Variants in PPIP5K2 observed in about 807,000 individuals in gnomAD.
PPIP5K2 encodes inositol hexakisphosphate and diphosphoinositol-pentakisphosphate kinase 2.
In PPIP5K2, 105 loss-of-function variants were observed where a neutral mutation model predicts 154.6. The observed-to-expected ratio is 0.68, with a 90% CI of 0.58 to 0.80. The LOEUF (loss-of-function observed/expected upper bound fraction) is 0.80. Among genes scored for constraint, PPIP5K2 ranks in the 30% least tolerant of loss-of-function variants. The pLI is 0.00. For missense variants in PPIP5K2, 992 were observed against 1,504.6 expected, an observed-to-expected ratio of 0.66 and a Z score of 5.64; for synonymous variants, 480 against 490.3, an observed-to-expected ratio of 0.98 and a Z score of 0.28.
intron 21 of PPIP5K2, chr5:103,176,803 C>A: frequency 2.1e-6 from 2 of 968,310 alleles, no homozygotes; most frequent in Non-Finnish European, 3.0e-6. Flanking sequence ...ACTTTGAATG[C>A]TTGTAGTACA....
intron 1 of PPIP5K2, among the ~76,000 whole-genome samples, chr5:103,124,428 T>C (rs1554200091): frequency 6.6e-6 from 1 of 152,224 alleles, no homozygotes; most frequent in Non-Finnish European, 1.5e-5. Flanking sequence ...ATTTTTGCTC[T>C]TTAGTATAAT....
chr5:103,173,778 A>G (rs1798314216), intron 20 of PPIP5K2, 80 bp from the exon 21 acceptor site: 2 of 949,180 alleles, frequency 2.1e-6, no homozygotes, highest in Admixed American at 4.7e-5. Flanking sequence ...AATTACATTT[A>G]ATTTTAGAAA....
At chr5:103,144,290 A>C (rs1793365257) in intron 5 of PPIP5K2, among the ~76,000 whole-genome samples, 1 of 152,194 alleles carries the variant, frequency 6.6e-6, no homozygotes, top group African/African-American at 2.4e-5. Flanking sequence ...GAGAACACAC[A>C]AAAAAATGGA....
At position 103,151,376 on chromosome 5, in the gene PPIP5K2, T is replaced by C; in HGVS notation, c.1028+2T>C. 1 of 1,588,660 alleles carries C rather than the reference T, an allele frequency of 6.3e-7. No homozygotes were observed. Among genetic ancestry groups the C allele is most frequent in the Non-Finnish European group, 8.6e-7 (1 of 1,167,242 alleles). ...TGATGACTGTGCAAAAATACTTGGG[T>C]AAGAATTTTTAAATTTTTCTTTTTA... On this transcript the variant is annotated splice_donor_variant, in intron 9 of 30. Coordinates refer to ENST00000358359, the MANE Select transcript of PPIP5K2 (RefSeq NM_001276277.3). LOFTEE classifies it high-confidence loss of function.
chr5:103,155,012 T>A (rs1795185395), intron 13 of PPIP5K2, 69 bp downstream of exon 13: 1 of 893,558 alleles, frequency 1.1e-6, no homozygotes, highest in Non-Finnish European at 1.6e-6. Context: ...TATGTGATTT[T>A]CCATTTTAAT....
chr5:103,211,083 AG>A lies in PPIP5K2; in HGVS notation c.*9450del, dbSNP rs1554232563. Reference sequence around the variant, plus strand: ...GCATATGCATTATTACCCTTGTCTGAGTGGTTGTTTAAACTGACATCTGTAA... The same window carrying A: ...GCATATGCATTATTACCCTTGTCTGATGGTTGTTTAAACTGACATCTGTAA... On this transcript the variant is annotated 3_prime_UTR_variant, in exon 31 of 31. Coordinates refer to ENST00000358359, the MANE Select transcript of PPIP5K2 (RefSeq NM_001276277.3). The A allele has an allele frequency of 2.0e-5, 3 of 152,020 alleles. No individual in the cohort carries two copies. The highest frequency in any genetic ancestry group is 4.4e-5 in the Non-Finnish European group (3 of 67,948). The allele number at this position is 152,020 out of a possible 1,614,324, so 9.4% of individuals were successfully genotyped here.
chr5:103,167,187 A>G lies in PPIP5K2; in HGVS notation c.1929A>G (p.Pro643=). 2 of 1,562,686 alleles carry G rather than the reference A, an allele frequency of 1.3e-6. No homozygotes were observed. The highest frequency in any genetic ancestry group is 1.7e-6 in the Non-Finnish European group (2 of 1,152,962). Residue 643 remains proline, a synonymous_variant, in exon 18 of 31, where the codon CCA becomes CCG. Transcript: ENST00000358359. ...ACTTTACTCATTTGTAGCTTACTCCATCTGGAAGCATTTCTCTTATCAAAT... is the reference window on the plus strand; with the variant it reads ...ACTTTACTCATTTGTAGCTTACTCCGTCTGGAAGCATTTCTCTTATCAAAT... ...FTAEDYEKLT[P]SGSISLIKSM...
intron 16 of PPIP5K2, 81 bp downstream of exon 16, chr5:103,158,654 GCTTACACC>G: frequency 8.4e-7 from 1 of 1,185,662 alleles, no homozygotes; most frequent in Non-Finnish European, 1.2e-6. Flanking sequence ...GGGCGCAGTG[GCTTACACC>G]TGTAATCCTA....
intron 21 of PPIP5K2, 108 bp from the exon 22 acceptor site, chr5:103,177,559 C>A: frequency 1.6e-6 from 1 of 624,092 alleles, no homozygotes; most frequent in Non-Finnish European, 2.7e-6. Context: ...GATAAGTATT[C>A]ACTTTATGTG....
chr5:103,132,506 A>G (rs1790798740), intron 2 of PPIP5K2, among the ~76,000 whole-genome samples: 1 of 152,166 alleles, frequency 6.6e-6, no homozygotes, highest in Non-Finnish European at 1.5e-5. Context: ...AGATTGCGCC[A>G]CTGCACTCCA....
At chr5:103,145,447 A>G (rs1352222070) in intron 5 of PPIP5K2, among the ~76,000 whole-genome samples, 2 of 152,096 alleles carry the variant, frequency 1.3e-5, no homozygotes, top group Non-Finnish European at 1.5e-5. Context: ...ATTTGCACTC[A>G]TGTTTATTGC....
At position 103,187,379 on chromosome 5, in the gene PPIP5K2, A is replaced by G; in HGVS notation, c.3352+3A>G. On this transcript the variant is annotated splice_donor_region_variant and intron_variant, in intron 28 of 30. Coordinates refer to ENST00000358359, the MANE Select transcript of PPIP5K2 (RefSeq NM_001276277.3). ...ATTTGCTCGACACCCAACCAATGGT[A>G]CGTTTTGCTTTTATTTTAAAAGATA... The G allele has an allele frequency of 6.5e-7, 1 of 1,530,294 alleles. No individual in the cohort carries two copies. Among genetic ancestry groups the G allele is most frequent in the African/African-American group, 1.4e-5 (1 of 72,974 alleles). 94.8% of individuals were successfully genotyped at this position (1,530,294 alleles called of 1,614,324 possible).
chr5:103,141,118 G>A (rs782791785), intron 5 of PPIP5K2, among the ~76,000 whole-genome samples: 21 of 152,310 alleles, frequency 1.4e-4, no homozygotes, highest in Middle Eastern at 3.4e-3. Flanking sequence ...TGGATCACGA[G>A]GTCAGGAGAT....
intron 24 of PPIP5K2, 115 bp from the exon 25 acceptor site, chr5:103,183,117 CTG>C (rs1799792337): frequency 7.6e-6 from 7 of 917,942 alleles, no homozygotes; most frequent in Admixed American, 4.9e-5. Flanking sequence ...TATGAACAAA[CTG>C]TATTTTTTTT....
intron 26 of PPIP5K2, among the ~76,000 whole-genome samples, chr5:103,185,725 T>G (rs1449011123): frequency 3.3e-5 from 5 of 152,132 alleles, no homozygotes; most frequent in African/African-American, 9.6e-5. Context: ...ATTAAGATCT[T>G]AAGTCACTTG....
Position 103,173,366 on chromosome 5 carries a change from G to T in PPIP5K2, c.2414+84G>T. 11 of 1,405,018 alleles carry T rather than the reference G, an allele frequency of 7.8e-6. 1 individual carries two copies. The South Asian group carries it at 1.5e-4, about 20-fold the overall frequency. 87.0% of individuals were successfully genotyped at this position (1,405,018 alleles called of 1,614,324 possible). ...TTAAATTATACTTTGATGGTCCTATGAAGTCAGAAGTGTGTCATTGGCATA... is the reference window on the plus strand; with the variant it reads ...TTAAATTATACTTTGATGGTCCTATTAAGTCAGAAGTGTGTCATTGGCATA... On this transcript the variant is annotated intron_variant, in intron 20 of 30. Coordinates refer to ENST00000358359, the MANE Select transcript of PPIP5K2 (RefSeq NM_001276277.3).
At chr5:103,164,203 C>G (rs1373193200) in intron 17 of PPIP5K2, among the ~76,000 whole-genome samples, 1 of 151,746 alleles carries the variant, frequency 6.6e-6, no homozygotes, top group African/African-American at 2.4e-5. Flanking sequence ...TGTGTAGGAT[C>G]TATAGAGATT....
intron 1 of PPIP5K2, among the ~76,000 whole-genome samples, chr5:103,122,020 A>G (rs1226753765): frequency 6.6e-6 from 1 of 152,214 alleles, no homozygotes; most frequent in Non-Finnish European, 1.5e-5. Flanking sequence ...TAGCAGATAC[A>G]TACTAACGTA....
rs977135792 is a variant in PPIP5K2 at position 103,186,250 on chromosome 5, A to C, written c.3170-70A>C. On this transcript the variant is annotated intron_variant, in intron 26 of 30. Transcript: ENST00000358359. The stretch of plus-strand genomic sequence containing the variant: ...ATGTGGTAAGAGCCATGTTAATTGC[A>C]TGCTGCATGAATTCCCAATGTGAAT... 4 of 1,595,180 alleles carry C rather than the reference A, an allele frequency of 2.5e-6. No homozygotes were observed. In the East Asian group the frequency reaches 6.7e-5, roughly 27 times the overall value.
Sources: allele counts gnomAD v4.1 joint callset (sites outside exome capture counted in the v4.1 genomes callset), GRCh38; gene constraint gnomAD v4.1.1; transcripts MANE v1.5; gene names NCBI Gene and HGNC (gene_info 2026-07-23, HGNC 2026-07-21).